Variants in CFI observed in about 807,000 individuals in gnomAD.
CFI encodes the protein complement factor I.
A neutral mutation model predicts 78.8 loss-of-function variants in CFI; 66 were observed. The ratio of observed to expected loss-of-function variants is 0.84; its 90% CI spans 0.69 to 1.03. The LOEUF is 1.03. CFI is among the 50% of genes least tolerant of loss of function. The pLI, the probability that CFI is intolerant of heterozygous loss-of-function variation, is 0.00. For missense variants in CFI, 706 were observed against 704.5 expected (o/e 1.00, Z -0.02); for synonymous variants, 250 against 232.6 (o/e 1.07, Z -0.68).
intron 7 of CFI, among the ~76,000 whole-genome samples, chr4:109,753,816 TTTATATTATATATTATATAATGTATAA>T (rs1725727948): frequency 1.1e-5 from 1 of 92,190 alleles, no homozygotes; most frequent in Non-Finnish European, 2.0e-5. Context: ...AATGTATAAT[TTTATATTATATATTATATAATGTATAA>T]TCTTATATTA....
chr4:109,780,695 C>A (rs1033344368), intron 1 of CFI, among the ~76,000 whole-genome samples: 1 of 152,160 alleles, frequency 6.6e-6, no homozygotes, highest in Admixed American at 6.5e-5. Context: ...GACACATGCA[C>A]ACGTATGTTT....
chr4:109,738,692 G>T (rs1454955768), downstream of CFI, among the ~76,000 whole-genome samples: 1 of 152,088 alleles, frequency 6.6e-6, no homozygotes, highest in East Asian at 1.9e-4. Flanking sequence ...GGTGCCCCCG[G>T]CCCTGCCATG....
At chr4:109,751,751 T>C (rs1400780568) in intron 8 of CFI, among the ~76,000 whole-genome samples, 3 of 152,208 alleles carry the variant, frequency 2.0e-5, no homozygotes, top group East Asian at 3.8e-4. Flanking sequence ...TTAAATCTTT[T>C]ACTCATTGCC....
chr4:109,795,947 T>C (rs1235497323), intron 1 of CFI, among the ~76,000 whole-genome samples: 1 of 152,178 alleles, frequency 6.6e-6, no homozygotes, highest in African/African-American at 2.4e-5. Flanking sequence ...AAATTAACAA[T>C]GCCTGAAAAC....
intron 8 of CFI, among the ~76,000 whole-genome samples, chr4:109,751,438 C>CTTTTTT (rs66497003): frequency 4.0e-5 from 4 of 100,340 alleles, no homozygotes; most frequent in Non-Finnish European, 7.2e-5. Flanking sequence ...AGAGCTAAAT[C>CTTTTTT]TTTTTTTTTT....
chr4:109,792,830 T>G (rs1325733671), intron 1 of CFI, among the ~76,000 whole-genome samples: 1 of 152,222 alleles, frequency 6.6e-6, no homozygotes, highest in Non-Finnish European at 1.5e-5. Context: ...ACATAATATC[T>G]TTTCTATCCT....
At chr4:109,764,753 A>G (rs1443883676) in intron 2 of CFI, 63 bp from the exon 3 acceptor site, 2 of 1,455,200 alleles carry the variant, frequency 1.4e-6, no homozygotes, top group Non-Finnish European at 1.9e-6. Flanking sequence ...CTTAATTAAA[A>G]GTCTTTAAAA....
At chr4:109,801,873 A>T (rs767500880) in intron 1 of CFI, 42 bp downstream of exon 1, 7 of 1,329,536 alleles carry the variant, frequency 5.3e-6, no homozygotes, top group Non-Finnish European at 7.5e-6. Context: ...CAACCTTTAA[A>T]TTATCAATTA....
intron 11 of CFI, 34 bp from the exon 12 acceptor site, chr4:109,742,629 C>T: frequency 7.5e-7 from 1 of 1,337,690 alleles, no homozygotes; most frequent in Admixed American, 1.7e-5. Flanking sequence ...ATTTAGAAGT[C>T]ACAAATGAGA....
At chr4:109,735,794 C>T (rs1388424448), downstream of CFI, among the ~76,000 whole-genome samples, 1 of 152,142 alleles carries the variant, frequency 6.6e-6, no homozygotes, top group African/African-American at 2.4e-5. Flanking sequence ...GAAAACTGGG[C>T]CTAGAACAAA....
chr4:109,790,123 A>G (rs1731199141), intron 1 of CFI, among the ~76,000 whole-genome samples: 1 of 151,922 alleles, frequency 6.6e-6, no homozygotes, highest in Admixed American at 6.6e-5. Flanking sequence ...GCATTCTCTT[A>G]TCATTCTTAT....
In CFI at chr4:109,760,296, G is replaced by A; in HGVS notation, c.857C>T (p.Thr286Ile). 2 of 1,613,736 alleles carry A rather than the reference G, an allele frequency of 1.2e-6. No individual in the cohort carries two copies. Among genetic ancestry groups the A allele is most frequent in the Non-Finnish European group, 8.5e-7 (1 of 1,179,700 alleles). The change falls in exon 6 of 13, where the codon ACA becomes ATA. Residue 286 changes from threonine to isoleucine, a missense_variant. Thr to Ile is a moderately conservative substitution (Grantham distance 89). Coordinates refer to ENST00000394634, the MANE Select transcript of CFI (RefSeq NM_000204.5). The part of the protein sequence containing the change: ...YQCNGEVDCI[T>I]GEDEVGCAGF... ...TGCACAGCCAACTTCATCTTCCCCT[G>A]TAATGCAGTCCACCTCACCATTGCA...
rs1726658625 is a variant in CFI at position 109,758,893 on chromosome 4, G to C, written c.884-1110C>G. Among the ~76,000 whole-genome samples, 2 of 152,204 alleles carry C rather than the reference G, an allele frequency of 1.3e-5. 1 individual carries two copies. Among genetic ancestry groups the C allele is most frequent in the Admixed American group, 1.3e-4 (2 of 15,276 alleles). On this transcript the variant is annotated intron_variant, in intron 6 of 12. Transcript: ENST00000394634. ...AGATCACTTGAGGCCAAGAGTTCGA[G>C]ACGAGCCTGGCCAATGTGGCGAAAC...
chr4:109,752,109 T>C (rs1725217820), intron 8 of CFI, among the ~76,000 whole-genome samples: 1 of 152,222 alleles, frequency 6.6e-6, no homozygotes, highest in Non-Finnish European at 1.5e-5. Context: ...TAACATCTAT[T>C]ATTTTTTCTA....
chr4:109,776,997 A>G (rs938668009), intron 1 of CFI, among the ~76,000 whole-genome samples: 13 of 152,228 alleles, frequency 8.5e-5, no homozygotes, highest in African/African-American at 2.9e-4. Context: ...AGGAACAACC[A>G]GTACCAGCCA....
Position 109,749,620 on chromosome 4 carries a change from A to T in CFI, c.941-18T>A. The T allele has an allele frequency of 6.8e-7, 1 of 1,465,296 alleles. No individual in the cohort carries two copies. Among genetic ancestry groups the T allele is most frequent in the South Asian group, 1.1e-5 (1 of 88,096 alleles). The allele number at this position is 1,465,296 out of a possible 1,614,324, so 90.8% of individuals were successfully genotyped here. The stretch of plus-strand genomic sequence containing the variant: ...TCTTCTTTCTTCAAGAAAGGAAGAG[A>T]TTACATCATTATTATCTTGAACCCA... On this transcript the variant is annotated intron_variant, in intron 8 of 12. Coordinates refer to ENST00000394634, the MANE Select transcript of CFI (RefSeq NM_000204.5).
At chr4:109,756,867 G>A (rs1726224473) in intron 7 of CFI, among the ~76,000 whole-genome samples, 1 of 134,332 alleles carries the variant, frequency 7.4e-6, no homozygotes, top group Non-Finnish European at 1.5e-5. Context: ...CCGAGACTCC[G>A]TCTCGAAAGA....
intron 1 of CFI, among the ~76,000 whole-genome samples, chr4:109,778,867 C>A (rs1369497164): frequency 6.6e-6 from 1 of 152,070 alleles, no homozygotes; most frequent in African/African-American, 2.4e-5. Context: ...ATAAACAGAA[C>A]CAAAGACAAA....
rs777542916 is a variant in CFI, at chr4:109,752,462, G to T, written c.940+6C>A. 7.4e-6 allele frequency: 12 copies of T among 1,613,070 alleles called. No homozygotes were observed. In the South Asian group the frequency reaches 1.3e-4, roughly 18 times the overall value. ...CCACCAATAAAAAAGTATAACGTTA[G>T]CTTACCTGCATCCATGTCAGCAGTC... On this transcript the variant is annotated splice_donor_region_variant and intron_variant, in intron 8 of 12. Transcript: ENST00000394634.
Sources: allele counts gnomAD v4.1 joint callset (sites outside exome capture counted in the v4.1 genomes callset), GRCh38; gene constraint gnomAD v4.1.1; transcripts MANE v1.5; gene names NCBI Gene and HGNC (gene_info 2026-07-23, HGNC 2026-07-21).